Variants in AFF3 observed in about 807,000 individuals in gnomAD.
AFF3 encodes ALF transcription elongation factor 3.
Under a neutral mutation model 129.7 loss-of-function variants are expected in AFF3, and 32 were observed. The ratio of observed to expected loss-of-function variants is 0.25; its 90% CI spans 0.19 to 0.33. AFF3 has a LOEUF of 0.33. Ranked by LOEUF, AFF3 falls within the 10% of genes least tolerant of loss-of-function variation. The pLI, the probability that AFF3 is intolerant of heterozygous loss-of-function variation, is 1.00. For missense variants in AFF3, 1,373 were observed against 1,592.0 expected, an observed-to-expected ratio of 0.86 and a Z score of 2.34; for synonymous variants, 644 against 635.4, an observed-to-expected ratio of 1.01 and a Z score of -0.20.
At chr2:100,083,495 C>T (rs1438828555) in intron 4 of AFF3, among the ~76,000 whole-genome samples, 1 of 152,140 alleles carries the variant, frequency 6.6e-6, no homozygotes, top group Non-Finnish European at 1.5e-5. Context: ...GGCACAACGG[C>T]TTTGCCAAGC....
chr2:99,902,743 G>T (rs1694439931), intron 7 of AFF3, among the ~76,000 whole-genome samples: 1 of 151,992 alleles, frequency 6.6e-6, no homozygotes, highest in African/African-American at 2.4e-5. Context: ...TTTTAACGAA[G>T]AATAAAACAC....
chr2:99,970,583 C>T (rs939967736), intron 7 of AFF3, among the ~76,000 whole-genome samples: 1 of 152,214 alleles, frequency 6.6e-6, no homozygotes, highest in Admixed American at 6.5e-5. Context: ...CAGAAACGAG[C>T]CTTCCTCATA....
intron 16 of AFF3, among the ~76,000 whole-genome samples, chr2:99,584,893 G>A (rs1208235321): frequency 1.3e-5 from 2 of 152,168 alleles, no homozygotes; most frequent in African/African-American, 4.8e-5. Context: ...TTCCTTAGCT[G>A]GTGGTCACAG....
chr2:99,879,961 C>A (rs1692584312), intron 7 of AFF3, among the ~76,000 whole-genome samples: 1 of 152,016 alleles, frequency 6.6e-6, no homozygotes, highest in Non-Finnish European at 1.5e-5. Flanking sequence ...TCTAAAATAA[C>A]AATAAAGGTG....
intron 4 of AFF3, among the ~76,000 whole-genome samples, chr2:100,020,836 C>T (rs1683530523): frequency 6.6e-6 from 1 of 152,218 alleles, no homozygotes; most frequent in Non-Finnish European, 1.5e-5. Flanking sequence ...GCTCTTCCTA[C>T]CCCAGCCCAT....
chr2:99,764,757 C>T (rs1209472865), intron 8 of AFF3, among the ~76,000 whole-genome samples: 3 of 152,128 alleles, frequency 2.0e-5, no homozygotes, highest in Non-Finnish European at 4.4e-5. Context: ...GCTGCATGGA[C>T]TGAGTGACTC....
chr2:99,725,521 G>C (rs1224187268), intron 11 of AFF3, among the ~76,000 whole-genome samples: 1 of 152,070 alleles, frequency 6.6e-6, no homozygotes, highest in African/African-American at 2.4e-5. Context: ...GTAGAGACGA[G>C]GTTTTGCCAT....
chr2:99,604,822 T>G (rs1680172742), intron 13 of AFF3, among the ~76,000 whole-genome samples: 1 of 152,154 alleles, frequency 6.6e-6, no homozygotes, highest in African/African-American at 2.4e-5. Context: ...GATTAGCAAA[T>G]GAAGATGAAT....
intron 10 of AFF3, among the ~76,000 whole-genome samples, chr2:99,731,005 G>A (rs572027997): frequency 7.2e-4 from 110 of 152,238 alleles, no homozygotes; most frequent in South Asian, 6.4e-3. Flanking sequence ...CCAGACTGGA[G>A]TGCAGTGGTG....
At chr2:100,061,232 T>C (rs1181336332) in intron 4 of AFF3, among the ~76,000 whole-genome samples, 1 of 152,190 alleles carries the variant, frequency 6.6e-6, no homozygotes, top group African/African-American at 2.4e-5. Context: ...GCCCATGCTG[T>C]AGGAATGAGG....
intron 7 of AFF3, among the ~76,000 whole-genome samples, chr2:99,859,409 T>G (rs940941060): frequency 2.0e-5 from 3 of 152,224 alleles, no homozygotes; most frequent in East Asian, 3.9e-4. Context: ...CCAGACCTAC[T>G]GAGTCAGAAT....
intron 11 of AFF3, chr2:99,707,355 A>T (rs920223975): frequency 2.2e-5 from 22 of 985,110 alleles, no homozygotes; most frequent in Non-Finnish European, 2.5e-5. Flanking sequence ...TTTTTAAATT[A>T]AAAAAGCCAT....
At chr2:99,720,933 C>G (rs1332752829) in intron 11 of AFF3, among the ~76,000 whole-genome samples, 2 of 152,100 alleles carry the variant, frequency 1.3e-5, no homozygotes, top group Admixed American at 1.3e-4. Flanking sequence ...ATTCCACTTG[C>G]CTTCCCTTAT....
intron 7 of AFF3, among the ~76,000 whole-genome samples, chr2:99,906,267 A>G (rs968129006): frequency 3.3e-5 from 5 of 152,184 alleles, no homozygotes; most frequent in Non-Finnish European, 5.9e-5. Flanking sequence ...TATTAACCTC[A>G]TTTTATGCAG....
At chr2:99,846,817 C>T (rs1689760334) in intron 7 of AFF3, among the ~76,000 whole-genome samples, 1 of 152,224 alleles carries the variant, frequency 6.6e-6, no homozygotes, top group African/African-American at 2.4e-5. Context: ...ATCACCCTTC[C>T]TATGTCATGT....
chr2:100,124,182 C>G lies in AFF3; in HGVS notation c.-145+5042G>C, dbSNP rs151284785. On this transcript the variant is annotated intron_variant, in intron 2 of 24. Coordinates refer to ENST00000672756, the MANE Select transcript of AFF3 (RefSeq NM_001386135.1). ...AGGAATCGAAAACTATGAGAGAGATCCTTGAAGATGCGTCTAGGAGATTTA... is the reference window on the plus strand; with the variant it reads ...AGGAATCGAAAACTATGAGAGAGATGCTTGAAGATGCGTCTAGGAGATTTA... 6.6e-3 allele frequency among the ~76,000 whole-genome samples: 1,010 copies of G among 152,224 alleles called. 15 individuals are homozygous for G. The highest frequency in any genetic ancestry group is 0.023 in the African/African-American group (971 of 41,518).
chr2:99,593,122 T>C, intron 15 of AFF3, 73 bp downstream of exon 15: 1 of 1,493,024 alleles, frequency 6.7e-7, no homozygotes, highest in Non-Finnish European at 8.9e-7. Context: ...GGGTGCTCTA[T>C]CCAAGTACCC....
At chr2:99,566,840 C>CA (rs1322119295) in intron 19 of AFF3, among the ~76,000 whole-genome samples, 23 of 151,668 alleles carry the variant, frequency 1.5e-4, no homozygotes, top group African/African-American at 5.6e-4. Flanking sequence ...ACTAAAAATA[C>CA]AAAAAAAACT....
At chr2:99,615,247 C>T (rs906046490) in intron 13 of AFF3, among the ~76,000 whole-genome samples, 2 of 152,204 alleles carry the variant, frequency 1.3e-5, no homozygotes, top group Non-Finnish European at 2.9e-5. Flanking sequence ...CCCTGGAGGA[C>T]GCCAGGCTTG....
Sources: gnomAD v4.1 joint callset for allele counts (sites outside exome capture counted in the v4.1 genomes callset) on GRCh38, gnomAD v4.1.1 for gene constraint, MANE v1.5 for transcripts, NCBI Gene and HGNC (gene_info 2026-07-23, HGNC 2026-07-21) for gene names.